RNF220: variants seen among roughly 807,000 people sequenced by gnomAD.
RNF220 encodes the protein ring finger protein 220.
A neutral mutation model predicts 67.1 loss-of-function variants in RNF220; 7 were observed. That is an observed-to-expected ratio of 0.10 (90% CI 0.06 to 0.20). RNF220 has a LOEUF of 0.20. RNF220 is among the 10% of genes least tolerant of loss of function. RNF220 has a pLI of 1.00. For synonymous variants in RNF220, 270 were observed against 283.2 expected (o/e 0.95, Z 0.47); for missense variants, 565 against 740.3 (o/e 0.76, Z 2.75).
chr1:44,554,255 G>C (rs973900249), intron 2 of RNF220, among the ~76,000 whole-genome samples: 2 of 152,128 alleles, frequency 1.3e-5, no homozygotes, highest in Non-Finnish European at 2.9e-5. Context: ...CCAGGACAGA[G>C]AGCAAGAGCC....
At chr1:44,479,902 C>T (rs150346903) in intron 2 of RNF220, among the ~76,000 whole-genome samples, 1 of 152,106 alleles carries the variant, frequency 6.6e-6, no homozygotes, top group East Asian at 1.9e-4. Flanking sequence ...CCTTAAGATC[C>T]CCTCCTTCAC....
At chr1:44,580,912 G>A (rs573025281) in intron 2 of RNF220, among the ~76,000 whole-genome samples, 30 of 152,340 alleles carry the variant, frequency 2.0e-4, no homozygotes, top group Admixed American at 1.0e-3. Context: ...CTGTGTGGCC[G>A]CCTTCTCCAG....
At position 44,620,587 on chromosome 1, in the gene RNF220, G is replaced by A. The variant is rs189906416; in HGVS notation, c.759-2155G>A. ...AATCCCCAGTGCCTACATCAGGGCT[G>A]GCATGAACCATTTATGAGCAAAACA... On this transcript the variant is annotated intron_variant, in intron 3 of 14. Coordinates refer to ENST00000361799, the MANE Select transcript of RNF220 (RefSeq NM_018150.4). Among the ~76,000 whole-genome samples the A allele has an allele frequency of 4.2e-4, 64 of 152,350 alleles. 1 individual carries two copies. Among genetic ancestry groups the A allele is most frequent in the African/African-American group, 1.4e-3 (60 of 41,576 alleles).
At chr1:44,443,688 T>G (rs1651788554) in intron 2 of RNF220, among the ~76,000 whole-genome samples, 1 of 152,232 alleles carries the variant, frequency 6.6e-6, no homozygotes, top group Non-Finnish European at 1.5e-5. Context: ...CAAGTACATT[T>G]TTTTCTTTTA....
chr1:44,464,788 C>CA (rs1463087717), intron 2 of RNF220, among the ~76,000 whole-genome samples: 3 of 152,202 alleles, frequency 2.0e-5, no homozygotes, highest in Non-Finnish European at 1.5e-5. Flanking sequence ...TCTTCATTCT[C>CA]ACTACATTGC....
intron 2 of RNF220, among the ~76,000 whole-genome samples, chr1:44,443,645 T>C (rs921602483): frequency 6.6e-6 from 1 of 152,276 alleles, no homozygotes; most frequent in Non-Finnish European, 1.5e-5. Context: ...TCTTGCAGTA[T>C]GTAGCTGTTA....
chr1:44,596,595 G>T (rs911310647), intron 2 of RNF220, among the ~76,000 whole-genome samples: 2 of 152,064 alleles, frequency 1.3e-5, no homozygotes, highest in African/African-American at 4.8e-5. Flanking sequence ...TTTGCACAGA[G>T]TAAGCATTTG....
chr1:44,564,850 T>C (rs887926481), intron 2 of RNF220, among the ~76,000 whole-genome samples: 3 of 152,198 alleles, frequency 2.0e-5, no homozygotes, highest in Non-Finnish European at 4.4e-5. Flanking sequence ...GGGGGAACCT[T>C]ATAAAACACA....
chr1:44,408,071 G>T (rs1647568233), intron 1 of RNF220, among the ~76,000 whole-genome samples: 2 of 152,230 alleles, frequency 1.3e-5, no homozygotes, highest in Non-Finnish European at 2.9e-5. Context: ...ACCGAGAGCC[G>T]GAGGGAGAGG....
intron 2 of RNF220, among the ~76,000 whole-genome samples, chr1:44,449,286 A>T (rs1189110045): frequency 2.6e-5 from 4 of 152,236 alleles, no homozygotes; most frequent in Non-Finnish European, 5.9e-5. Context: ...CACAGTCAGT[A>T]ATCATTAAAT....
chr1:44,559,151 C>A (rs1663356329), intron 2 of RNF220, among the ~76,000 whole-genome samples: 1 of 152,252 alleles, frequency 6.6e-6, no homozygotes, highest in African/African-American at 2.4e-5. Flanking sequence ...TAGTTCTCCC[C>A]TACTCCCCTG....
chr1:44,488,267 C>G (rs143359046), intron 2 of RNF220, among the ~76,000 whole-genome samples: 3,230 of 152,020 alleles, frequency 0.021, 54 homozygotes, highest in Non-Finnish European at 0.031. Flanking sequence ...TCCCGAGTAG[C>G]TGGGATTATA....
intron 6 of RNF220, among the ~76,000 whole-genome samples, chr1:44,634,426 G>A (rs4660815): frequency 0.23 from 35,536 of 152,124 alleles, 5,299 homozygotes; most frequent in Middle Eastern, 0.34. Flanking sequence ...CCTGACACAC[G>A]GTAGAAGCTT....
At chr1:44,499,616 C>T (rs1162710537) in intron 2 of RNF220, among the ~76,000 whole-genome samples, 1 of 152,090 alleles carries the variant, frequency 6.6e-6, no homozygotes, top group Non-Finnish European at 1.5e-5. Flanking sequence ...CCTCAGATTT[C>T]CCTTCTCCTT....
chr1:44,568,840 T>C (rs1191664765), intron 2 of RNF220, among the ~76,000 whole-genome samples: 1 of 152,204 alleles, frequency 6.6e-6, no homozygotes, highest in Non-Finnish European at 1.5e-5. Context: ...GGATGGGGGA[T>C]TCCATGGGAA....
chr1:44,444,598 G>A (rs1307484410), intron 2 of RNF220, among the ~76,000 whole-genome samples: 3 of 149,808 alleles, frequency 2.0e-5, no homozygotes, highest in Non-Finnish European at 3.0e-5. Flanking sequence ...GCACCACCAC[G>A]CCAAGCTAAT....
intron 2 of RNF220, among the ~76,000 whole-genome samples, chr1:44,546,892 G>A (rs1255284369): frequency 7.9e-5 from 12 of 152,286 alleles, no homozygotes; most frequent in African/African-American, 2.2e-4. Context: ...GCCTCCTGGC[G>A]GTCCTCTCTC....
chr1:44,482,612 A>T (rs1442344174), intron 2 of RNF220, among the ~76,000 whole-genome samples: 4 of 151,902 alleles, frequency 2.6e-5, no homozygotes, highest in Admixed American at 1.3e-4. Flanking sequence ...GGCATAGTCT[A>T]GGGTAATTCA....
At chr1:44,480,508 C>T (rs1162816984) in intron 2 of RNF220, among the ~76,000 whole-genome samples, 8 of 152,056 alleles carry the variant, frequency 5.3e-5, no homozygotes, top group Non-Finnish European at 7.4e-5. Context: ...CCCTGGATAA[C>T]TCTAACATTT....
Sources: gnomAD v4.1 joint callset for allele counts (sites outside exome capture counted in the v4.1 genomes callset) on GRCh38, gnomAD v4.1.1 for gene constraint, MANE v1.5 for transcripts, NCBI Gene and HGNC (gene_info 2026-07-23, HGNC 2026-07-21) for gene names.